The following HPSE2 variants were observed in gnomAD, a reference collection of about 807,000 sequenced individuals.
The protein encoded by HPSE2 is heparanase 2 (inactive).
A neutral mutation model predicts 60.5 loss-of-function variants in HPSE2; 38 were observed. That is an observed-to-expected ratio of 0.63 (90% CI 0.48 to 0.82). The LOEUF is 0.82. HPSE2 is among the 40% of genes least tolerant of loss of function. The pLI, the probability that HPSE2 is intolerant of heterozygous loss-of-function variation, is 0.00. For synonymous variants in HPSE2, 295 were observed against 293.2 expected (o/e 1.01, Z -0.06); for missense variants, 713 against 740.4 (o/e 0.96, Z 0.43).
At chr10:98,628,926 A>G (rs1320080150) in intron 7 of HPSE2, among the ~76,000 whole-genome samples, 1 of 152,116 alleles carries the variant, frequency 6.6e-6, no homozygotes, top group African/African-American at 2.4e-5. Flanking sequence ...AGAAAAAAAA[A>G]ACAGTAAAAA....
At chr10:99,013,889 TA>T in intron 3 of HPSE2, 2 of 406,454 alleles carry the variant, frequency 4.9e-6, no homozygotes, top group Non-Finnish European at 1.0e-5. Flanking sequence ...TCCAGCCCAA[TA>T]ATGATACTTT....
At chr10:99,041,855 G>A (rs1445912603) in intron 3 of HPSE2, among the ~76,000 whole-genome samples, 2 of 152,126 alleles carry the variant, frequency 1.3e-5, no homozygotes, top group Non-Finnish European at 2.9e-5. Context: ...GCTACCCTGA[G>A]GCTGGGAAGG....
At chr10:99,245,306 C>G in the HPSE2 span, among the ~76,000 whole-genome samples, 1 of 152,136 alleles carries the variant, frequency 6.6e-6, no homozygotes, top group East Asian at 1.9e-4. Context: ...CTACACAATT[C>G]TATTTGGTTT....
At chr10:99,305,006 C>T in the HPSE2 span, among the ~76,000 whole-genome samples, 5 of 152,154 alleles carry the variant, frequency 3.3e-5, no homozygotes, top group African/African-American at 1.2e-4. Flanking sequence ...GGAAAAGAGC[C>T]TTGAATACAG....
At chr10:99,171,903 A>G (rs965165285) in intron 2 of HPSE2, among the ~76,000 whole-genome samples, 3 of 152,144 alleles carry the variant, frequency 2.0e-5, no homozygotes, top group Non-Finnish European at 4.4e-5. Context: ...ACTTATTATC[A>G]TTTAGGAATA....
intron 9 of HPSE2, among the ~76,000 whole-genome samples, chr10:98,508,405 C>T (rs1374025554): frequency 2.0e-5 from 3 of 152,080 alleles, no homozygotes; most frequent in Non-Finnish European, 4.4e-5. Context: ...CTATGTGTTC[C>T]CCGAGGTCTA....
At chr10:98,590,279 A>G (rs967599284) in intron 9 of HPSE2, among the ~76,000 whole-genome samples, 3 of 152,218 alleles carry the variant, frequency 2.0e-5, no homozygotes, top group African/African-American at 4.8e-5. Flanking sequence ...CGTCTTTACT[A>G]AAAATACAAA....
intron 11 of HPSE2, among the ~76,000 whole-genome samples, chr10:98,476,260 G>A (rs1298026063): frequency 2.7e-5 from 4 of 145,464 alleles, no homozygotes; most frequent in Admixed American, 7.1e-5. Flanking sequence ...ACTCATAGAT[G>A]GGAATTGAAC....
At chr10:99,073,404 T>C (rs1842860534) in intron 3 of HPSE2, among the ~76,000 whole-genome samples, 2 of 152,044 alleles carry the variant, frequency 1.3e-5, no homozygotes, top group African/African-American at 4.8e-5. Context: ...ATGTTCTCAC[T>C]TACAGGTGGG....
At chr10:99,261,078 G>A in the HPSE2 span, among the ~76,000 whole-genome samples, 6 of 152,130 alleles carry the variant, frequency 3.9e-5, no homozygotes, top group Admixed American at 6.6e-5. Flanking sequence ...TCTGAGGTGC[G>A]CCTGCTGTCC....
chr10:98,939,409 CAAAAA>C (rs1271634418), intron 3 of HPSE2, among the ~76,000 whole-genome samples: 1 of 142,172 alleles, frequency 7.0e-6, no homozygotes, highest in Non-Finnish European at 1.5e-5. Flanking sequence ...AAATGGAAAA[CAAAAA>C]AAGGCAGGGG....
intron 9 of HPSE2, among the ~76,000 whole-genome samples, chr10:98,609,885 A>T (rs1209254217): frequency 3.0e-5 from 4 of 131,664 alleles, no homozygotes; most frequent in Admixed American, 9.1e-5. Flanking sequence ...TCTGTCGCCC[A>T]GGCTGGAGTG....
At chr10:98,504,561 C>T (rs943641690) in intron 9 of HPSE2, among the ~76,000 whole-genome samples, 7 of 152,046 alleles carry the variant, frequency 4.6e-5, no homozygotes, top group Middle Eastern at 3.2e-3. Context: ...CCGAGGTTGC[C>T]GGATCACGAG....
intron 9 of HPSE2, among the ~76,000 whole-genome samples, chr10:98,584,100 T>C (rs779167743): frequency 1.1e-4 from 16 of 152,224 alleles, no homozygotes; most frequent in Non-Finnish European, 1.8e-4. Context: ...TCAAAGTGGC[T>C]GCACCTCTTT....
In HPSE2 at chr10:98,600,913, A is replaced by ATG. The variant is rs1565002963; in HGVS notation, c.1320+13990_1320+13991insCA. Among the ~76,000 whole-genome samples the ATG allele has an allele frequency of 2.7e-4, 8 of 29,600 alleles. No individual in the cohort carries two copies. In the South Asian group the frequency reaches 5.4e-3, roughly 20 times the overall value. 19.4% of individuals were successfully genotyped at this position (29,600 alleles called of 152,430 possible). A position where few individuals can be genotyped will look rare whatever the true frequency, so the allele number is the denominator to read the frequency against. ...TATACGTATATATATGTGTGTGTGT[A>ATG]TATATATATATATATATATATATAT... On this transcript the variant is annotated intron_variant, in intron 9 of 11. Coordinates refer to ENST00000370552, the MANE Select transcript of HPSE2 (RefSeq NM_021828.5).
chr10:98,620,655 G>A lies in HPSE2; in HGVS notation c.1152C>T (p.Thr384=). 4 of 1,614,066 alleles carry A rather than the reference G, an allele frequency of 2.5e-6. No individual in the cohort carries two copies. Among genetic ancestry groups the A allele is most frequent in the Non-Finnish European group, 2.5e-6 (3 of 1,179,974 alleles). ...GKKIWLEGVV[T]TSAGGTNNLS... ...GATTGTTTGTGCCTCCAGCTGAGGT[G>A]GTCACCACACCTTCAAGCCAAATCT... Residue 384 remains threonine, a synonymous_variant, in exon 8 of 12, where the codon ACC becomes ACT. Transcript: ENST00000370552.
chr10:98,773,219 C>CT (rs1950276619), intron 3 of HPSE2, among the ~76,000 whole-genome samples: 1 of 152,104 alleles, frequency 6.6e-6, no homozygotes, highest in Non-Finnish European at 1.5e-5. Context: ...ACATTATATC[C>CT]TTATATTCTC....
At chr10:98,920,859 TCCTCTGGAGTA>T (rs747239873) in intron 3 of HPSE2, among the ~76,000 whole-genome samples, 54 of 152,298 alleles carry the variant, frequency 3.5e-4, no homozygotes, top group East Asian at 2.7e-3. Context: ...CAACATAGTC[TCCTCTGGAGTA>T]CAACGTTCAT....
intron 3 of HPSE2, among the ~76,000 whole-genome samples, chr10:98,859,150 A>G (rs1952391237): frequency 1.3e-5 from 2 of 152,188 alleles, no homozygotes; most frequent in Non-Finnish European, 2.9e-5. Flanking sequence ...ATCCATTGAT[A>G]AGGTTTTATT....
Sources: allele counts gnomAD v4.1 joint callset (sites outside exome capture counted in the v4.1 genomes callset), GRCh38; gene constraint gnomAD v4.1.1; transcripts MANE v1.5; gene names NCBI Gene and HGNC (gene_info 2026-07-23, HGNC 2026-07-21).